The following LINGO2 variants were observed in gnomAD, a reference collection of about 807,000 sequenced individuals.
The protein encoded by LINGO2 is leucine-rich repeat and immunoglobulin-like domain-containing nogo receptor-interacting protein 2.
LINGO2 carries 14 observed loss-of-function variants against 30.6 expected under a neutral mutation model. The ratio of observed to expected loss-of-function variants is 0.46; its 90% confidence interval spans 0.30 to 0.72. The LOEUF (loss-of-function observed/expected upper bound fraction) is 0.72, where lower values mean the gene tolerates loss of function less well. LINGO2 is among the 30% of genes least tolerant of loss of function. The pLI, the probability that LINGO2 is intolerant of heterozygous loss-of-function variation, is 0.07. For missense variants in LINGO2, 729 were observed against 751.7 expected (o/e 0.97, Z 0.35); for synonymous variants, 317 against 288.5 (o/e 1.10, Z -1.00).
chr9:28,244,720 T>C (rs1426697246), intron 4 of LINGO2, among the ~76,000 whole-genome samples: 1 of 151,932 alleles, frequency 6.6e-6, no homozygotes, highest in African/African-American at 2.4e-5. Context: ...GATGAATTCC[T>C]GGACACATAC....
chr9:28,328,432 C>G (rs1226451359), intron 3 of LINGO2, among the ~76,000 whole-genome samples: 2 of 151,872 alleles, frequency 1.3e-5, no homozygotes, highest in Non-Finnish European at 2.9e-5. Flanking sequence ...TTTTCACAAC[C>G]AAACATATGC....
chr9:27,996,756 G>C (rs967221571), intron 5 of LINGO2, among the ~76,000 whole-genome samples: 2 of 152,126 alleles, frequency 1.3e-5, no homozygotes, highest in African/African-American at 4.8e-5. Flanking sequence ...TAGAAGATTT[G>C]CAACATTCCA....
At chr9:29,183,587 C>T in the LINGO2 span, among the ~76,000 whole-genome samples, 6 of 152,286 alleles carry the variant, frequency 3.9e-5, no homozygotes, top group East Asian at 1.9e-4. Context: ...GAACTTTTCT[C>T]GGGTTCATTC....
the LINGO2 span, among the ~76,000 whole-genome samples, chr9:29,113,854 T>G: frequency 6.6e-6 from 1 of 152,142 alleles, no homozygotes; most frequent in African/African-American, 2.4e-5. Context: ...TGATAAAACA[T>G]TTTTTGAGAT....
chr9:28,978,528 T>C, the LINGO2 span, among the ~76,000 whole-genome samples: 98,869 of 151,940 alleles, frequency 0.65, 32,768 homozygotes, highest in Non-Finnish European at 0.72. Context: ...CTCTAGAGAT[T>C]GCTGACAGGA....
intron 2 of LINGO2, among the ~76,000 whole-genome samples, chr9:28,379,316 T>C (rs1163521960): frequency 6.6e-6 from 1 of 152,052 alleles, no homozygotes; most frequent in East Asian, 1.9e-4. Context: ...TGGGGCCCTA[T>C]TGACAAGGCT....
the LINGO2 span, among the ~76,000 whole-genome samples, chr9:28,729,384 T>C: frequency 2.6e-5 from 4 of 152,186 alleles, no homozygotes; most frequent in East Asian, 7.7e-4. Context: ...GAGAAAATTT[T>C]CTTACATGAA....
chr9:28,110,497 C>T (rs972158006), intron 4 of LINGO2, among the ~76,000 whole-genome samples: 1 of 152,208 alleles, frequency 6.6e-6, no homozygotes, highest in African/African-American at 2.4e-5. Flanking sequence ...ATCTACCCAT[C>T]TGACAAAGGT....
At chr9:27,943,332 A>G (rs1823239021), downstream of LINGO2, 1 of 151,974 alleles carries the variant, frequency 6.6e-6, no homozygotes, top group Admixed American at 6.6e-5. Context: ...ATTTAGTAAA[A>G]CATAAATTTG....
chr9:28,088,126 T>A (rs13302556), intron 4 of LINGO2, among the ~76,000 whole-genome samples: 2 of 151,802 alleles, frequency 1.3e-5, no homozygotes, highest in African/African-American at 2.4e-5. Flanking sequence ...TGTTTTCTTA[T>A]CTATAGTATT....
the LINGO2 span, among the ~76,000 whole-genome samples, chr9:29,075,378 T>C: frequency 6.6e-6 from 1 of 152,170 alleles, no homozygotes; most frequent in Non-Finnish European, 1.5e-5. Flanking sequence ...GAAGTTTACA[T>C]TGGCCAAAAT....
chr9:28,378,930 G>T (rs1040621132), intron 2 of LINGO2, among the ~76,000 whole-genome samples: 1 of 152,046 alleles, frequency 6.6e-6, no homozygotes, highest in Non-Finnish European at 1.5e-5. Flanking sequence ...CTGAGTGACT[G>T]TCAGTACACA....
At chr9:28,254,410 A>C (rs1431436662) in intron 4 of LINGO2, among the ~76,000 whole-genome samples, 1 of 152,100 alleles carries the variant, frequency 6.6e-6, no homozygotes, top group Admixed American at 6.6e-5. Flanking sequence ...TTCTTAATAT[A>C]CAATATCACA....
At chr9:28,230,743 GA>G (rs1821327366) in intron 4 of LINGO2, among the ~76,000 whole-genome samples, 2 of 151,768 alleles carry the variant, frequency 1.3e-5, no homozygotes, top group Non-Finnish European at 3.0e-5. Flanking sequence ...TCCCATACAG[GA>G]AATGGATGTG....
At chr9:29,092,476 T>A in the LINGO2 span, among the ~76,000 whole-genome samples, 1 of 152,090 alleles carries the variant, frequency 6.6e-6, no homozygotes, top group African/African-American at 2.4e-5. Context: ...AATTGGTTAA[T>A]ACTTACCTAT....
intron 1 of LINGO2, among the ~76,000 whole-genome samples, chr9:28,478,089 G>A (rs578150826): frequency 6.6e-6 from 1 of 152,180 alleles, no homozygotes; most frequent in South Asian, 2.1e-4. Flanking sequence ...CTACAGCCAT[G>A]TTTTAATTTA....
chr9:28,377,747 A>C (rs1220173089), intron 2 of LINGO2, among the ~76,000 whole-genome samples: 1 of 152,186 alleles, frequency 6.6e-6, no homozygotes, highest in African/African-American at 2.4e-5. Context: ...TAGGAAGACT[A>C]TTCAAGACTT....
chr9:28,658,832 C>A (rs1377047948), intron 1 of LINGO2, among the ~76,000 whole-genome samples: 2 of 151,864 alleles, frequency 1.3e-5, no homozygotes, highest in Admixed American at 6.6e-5. Flanking sequence ...TGTTAATTTC[C>A]TGATTTTTAT....
At chr9:28,966,100 G>A in the LINGO2 span, among the ~76,000 whole-genome samples, 1 of 152,134 alleles carries the variant, frequency 6.6e-6, no homozygotes, top group African/African-American at 2.4e-5. Context: ...AGAGGAAGGT[G>A]ATTGGCCCCT....
Sources: gnomAD v4.1 joint callset for allele counts (sites outside exome capture counted in the v4.1 genomes callset) on GRCh38, gnomAD v4.1.1 for gene constraint, MANE v1.5 for transcripts, NCBI Gene and HGNC (gene_info 2026-07-23, HGNC 2026-07-21) for gene names.